NBN: variants seen among roughly 807,000 people sequenced by gnomAD.
NBN encodes nibrin.
In NBN, 88 loss-of-function variants were observed where a neutral mutation model predicts 90.8. That is an observed-to-expected ratio of 0.97 (90% confidence interval 0.82 to 1.16). The LOEUF (loss-of-function observed/expected upper bound fraction) is 1.16, where lower values mean the gene tolerates loss of function less well. Among genes scored for constraint, NBN ranks in the 50% most tolerant of loss-of-function variants. NBN has a pLI of 0.00. For missense variants in NBN, 894 were observed against 869.6 expected (o/e 1.03, Z -0.35); for synonymous variants, 328 against 295.1 (o/e 1.11, Z -1.14).
chr8:89,960,311 C>CA (rs1269722950), intron 8 of NBN, among the ~76,000 whole-genome samples: 2 of 152,080 alleles, frequency 1.3e-5, no homozygotes, highest in Admixed American at 6.6e-5. Context: ...TTCAGCTGCA[C>CA]ATAAGTTTGG....
At chr8:89,969,541 G>A (rs547369818) in intron 7 of NBN, among the ~76,000 whole-genome samples, 123 of 152,188 alleles carry the variant, frequency 8.1e-4, no homozygotes, top group African/African-American at 2.8e-3. Flanking sequence ...TTCTATTAAA[G>A]TAACAAAAAA....
intron 11 of NBN, among the ~76,000 whole-genome samples, 177 bp downstream of exon 11, chr8:89,953,067 T>C (rs2129694591): frequency 6.6e-6 from 1 of 152,292 alleles, no homozygotes. Flanking sequence ...TATTTTACAC[T>C]ACTGAAGAAT....
intron 4 of NBN, among the ~76,000 whole-genome samples, chr8:89,980,526 T>C (rs1812008489): frequency 6.6e-6 from 1 of 152,052 alleles, no homozygotes; most frequent in Non-Finnish European, 1.5e-5. Flanking sequence ...ATAATTTTAG[T>C]TGCTTTTGGC....
Position 89,982,868 on chromosome 8 carries a change from T to C in NBN, c.38-13A>G. ...CTGTATGGTTCTCCTGAGATAAATT[T>C]TTTTTTAAAAAAAGATAAGTTGATA... On this transcript the variant is annotated splice_polypyrimidine_tract_variant and intron_variant, in intron 1 of 15. Transcript: ENST00000265433. The C allele has an allele frequency of 6.2e-7, 1 of 1,612,270 alleles. No homozygotes were observed. Among genetic ancestry groups the C allele is most frequent in the African/African-American group, 1.3e-5 (1 of 75,018 alleles).
In NBN at chr8:89,971,212, G is replaced by A. The variant is rs372705975; in HGVS notation, c.663C>T (p.Ile221=). ...DLSGRQERKQ[I]FKGKTFIFLN... is the part of the protein sequence containing the mutation. ...AAAATATAAATGTTTTCCCTTTGAA[G>A]ATTTGTTTTCTTTCCTGCCGTCCTG... The change falls in exon 6 of 16, where the codon ATC becomes ATT. Residue 221 remains isoleucine, a synonymous_variant. Coordinates refer to ENST00000265433, the MANE Select transcript of NBN (RefSeq NM_002485.5). The A allele has an allele frequency of 3.4e-5, 55 of 1,612,978 alleles. No homozygotes were observed. The highest frequency in any genetic ancestry group is 4.5e-5 in the Non-Finnish European group (53 of 1,179,458).
intron 14 of NBN, among the ~76,000 whole-genome samples, chr8:89,941,853 C>T (rs1275228355): frequency 1.3e-5 from 2 of 152,098 alleles, no homozygotes; most frequent in African/African-American, 4.8e-5. Flanking sequence ...CCTGAGTGAC[C>T]TTAACAACTC....
intron 2 of NBN, chr8:89,981,777 T>C (rs964364110): frequency 5.8e-6 from 3 of 515,568 alleles, no homozygotes; most frequent in Non-Finnish European, 1.0e-5. Flanking sequence ...TCAGTGGGGA[T>C]TCTCCTGACC....
intron 1 of NBN, among the ~76,000 whole-genome samples, chr8:89,984,030 A>G (rs1805844): frequency 0.33 from 50,623 of 152,094 alleles, 8,496 homozygotes; most frequent in East Asian, 0.45. Flanking sequence ...GACTTTTCCC[A>G]TTGTTCTGAT....
chr8:89,962,018 A>G (rs1047149423), intron 8 of NBN, among the ~76,000 whole-genome samples: 4 of 152,156 alleles, frequency 2.6e-5, no homozygotes, highest in African/African-American at 4.8e-5. Context: ...AAGGAAGAAT[A>G]AAAAATGTCC....
chr8:89,982,132 G>C (rs1812100513), intron 2 of NBN: 1 of 261,548 alleles, frequency 3.8e-6, no homozygotes, highest in Non-Finnish European at 7.5e-6. Flanking sequence ...ATATTCCTAT[G>C]TATTTTTTTT....
At chr8:89,981,746 CAT>C (rs1339900178) in intron 2 of NBN, 5 of 563,096 alleles carry the variant, frequency 8.9e-6, no homozygotes, top group East Asian at 6.5e-5. Context: ...CTAGAACACA[CAT>C]GTTCTTTATT....
intron 11 of NBN, among the ~76,000 whole-genome samples, 170 bp downstream of exon 11, chr8:89,953,074 G>A (rs1810512983): frequency 6.6e-6 from 1 of 152,042 alleles, no homozygotes; most frequent in South Asian, 2.1e-4. Context: ...CACTACTGAA[G>A]AATCACTGTA....
intron 5 of NBN, among the ~76,000 whole-genome samples, chr8:89,974,331 T>C (rs1811653116): frequency 6.8e-6 from 1 of 147,946 alleles, no homozygotes; most frequent in Non-Finnish European, 1.5e-5. Context: ...TGAGGTTCCA[T>C]ATCCTGAAAA....
chr8:89,957,865 G>A (rs995289712), intron 9 of NBN, among the ~76,000 whole-genome samples: 1 of 152,132 alleles, frequency 6.6e-6, no homozygotes, highest in East Asian at 1.9e-4. Flanking sequence ...TTTGCGGGCA[G>A]AGGGGGGAAT....
chr8:89,984,533 G>T lies in NBN; in HGVS notation c.29C>A (p.Pro10Gln). The T allele has an allele frequency of 6.2e-7, 1 of 1,613,088 alleles. No homozygotes were observed. Among genetic ancestry groups the T allele is most frequent in the Non-Finnish European group, 8.5e-7 (1 of 1,179,668 alleles). The change falls in exon 1 of 16, where the codon CCG becomes CAG. Residue 10 changes from proline to glutamine, a missense_variant. Transcript: ENST00000265433. ...TTCCCTTCTGCCCTTACCTCCTGCC[G>T]GGCCCGCGGCGGGCAGCAGTTTCCA... MWKLLPAAG[P>Q]AGGEPYRLLT...
At chr8:89,956,854 T>C (rs930854108) in intron 9 of NBN, among the ~76,000 whole-genome samples, 2 of 152,210 alleles carry the variant, frequency 1.3e-5, no homozygotes, top group African/African-American at 2.4e-5. Flanking sequence ...CATATGATGC[T>C]GGTCCCATAA....
intron 9 of NBN, among the ~76,000 whole-genome samples, chr8:89,957,497 T>G (rs939552741): frequency 6.6e-6 from 1 of 152,194 alleles, no homozygotes; most frequent in Non-Finnish European, 1.5e-5. Context: ...TTTTTGCATA[T>G]AAATTTAGTG....
intron 5 of NBN, among the ~76,000 whole-genome samples, chr8:89,976,458 T>C (rs1423670546): frequency 6.6e-6 from 1 of 152,246 alleles, no homozygotes. Flanking sequence ...CTGATCTAGA[T>C]AAGTTACTTA....
chr8:89,951,735 G>A (rs969819383), intron 11 of NBN, among the ~76,000 whole-genome samples: 1 of 149,666 alleles, frequency 6.7e-6, no homozygotes, highest in Non-Finnish European at 1.5e-5. Flanking sequence ...TGTGAAATGA[G>A]AGTAGTCTTA....
Sources: allele counts gnomAD v4.1 joint callset (sites outside exome capture counted in the v4.1 genomes callset), GRCh38; gene constraint gnomAD v4.1.1; transcripts MANE v1.5; gene names NCBI Gene and HGNC (gene_info 2026-07-23, HGNC 2026-07-21).